Variants in SVEP1 observed in about 807,000 individuals in gnomAD.
SVEP1 encodes sushi, von Willebrand factor type A, EGF and pentraxin domain-containing protein 1.
In SVEP1, 164 loss-of-function variants were observed where a neutral mutation model predicts 367.3. That is an observed-to-expected ratio of 0.45 (90% CI 0.39 to 0.51). SVEP1 has a LOEUF of 0.51. Ranked by LOEUF, SVEP1 falls within the 20% of genes least tolerant of loss-of-function variation. SVEP1 has a pLI of 0.00. For synonymous variants in SVEP1, 1,666 were observed against 1,611.6 expected (o/e 1.03, Z -0.81); for missense variants, 4,117 against 4,425.3 (o/e 0.93, Z 1.98).
Position 110,424,786 on chromosome 9 carries a change from C to T in SVEP1, c.5975+2805G>A, listed in dbSNP as rs544455182. Among the ~76,000 whole-genome samples the T allele has an allele frequency of 4.4e-4, 67 of 152,218 alleles. No individual in the cohort carries two copies. In the Middle Eastern group the frequency reaches 0.01, roughly 23 times the overall value. ...GCCTCTGAGGTTCAAGCAAGTCTCC[C>T]GCCTCAGCCTCCCGAGTAGCTGGGA... On this transcript the variant is annotated intron_variant, in intron 36 of 47. Coordinates refer to ENST00000374469, the MANE Select transcript of SVEP1 (RefSeq NM_153366.4).
chr9:110,571,349 C>G (rs542950692), intron 1 of SVEP1, among the ~76,000 whole-genome samples: 5 of 152,158 alleles, frequency 3.3e-5, no homozygotes, highest in Non-Finnish European at 5.9e-5. Context: ...CAAGTGTTCC[C>G]CAATGAGATC....
chr9:110,560,560 T>C (rs540823174), intron 1 of SVEP1, among the ~76,000 whole-genome samples: 1 of 152,274 alleles, frequency 6.6e-6, no homozygotes, highest in African/African-American at 2.4e-5. Flanking sequence ...TAAATCAATG[T>C]CAAACTCTTC....
chr9:110,514,768 A>G (rs1040536781), intron 3 of SVEP1, among the ~76,000 whole-genome samples: 3 of 152,278 alleles, frequency 2.0e-5, no homozygotes, highest in African/African-American at 7.2e-5. Context: ...AATAGATAAA[A>G]AAAACTTTGA....
intron 45 of SVEP1, among the ~76,000 whole-genome samples, chr9:110,375,746 C>T (rs1564122295): frequency 2.0e-5 from 3 of 149,160 alleles, no homozygotes; most frequent in Non-Finnish European, 2.9e-5. Context: ...CTGCAAAGTG[C>T]TTTGCTTTAA....
chr9:110,502,902 A>G lies in SVEP1; in HGVS notation c.1483+136T>C, dbSNP rs1829558057. 22 of 817,502 alleles carry G rather than the reference A, an allele frequency of 2.7e-5. No homozygotes were observed. The South Asian group carries it at 5.1e-4, about 19-fold the overall frequency. 50.6% of individuals were successfully genotyped at this position (817,502 alleles called of 1,614,324 possible). On this transcript the variant is annotated intron_variant, in intron 6 of 47. Coordinates refer to ENST00000374469, the MANE Select transcript of SVEP1 (RefSeq NM_153366.4). ...ACACATCTGTTTTTGTATCTGTAAC[A>G]CCTGCACCTGTACATGTGGATATGT...
chr9:110,373,995 A>G (rs1214360321), intron 46 of SVEP1, among the ~76,000 whole-genome samples: 1 of 151,924 alleles, frequency 6.6e-6, no homozygotes, highest in African/African-American at 2.4e-5. Flanking sequence ...TTTCCTTTAA[A>G]CTTTTTTTTA....
chr9:110,541,800 T>G (rs903539685), intron 3 of SVEP1, among the ~76,000 whole-genome samples: 20 of 144,164 alleles, frequency 1.4e-4, no homozygotes, highest in Middle Eastern at 3.6e-3. Flanking sequence ...GATATCTATA[T>G]ATATCTATAT....
Position 110,511,488 on chromosome 9 carries a change from C to CTTTTTTT in SVEP1, c.1303+1431_1303+1437dup, listed in dbSNP as rs199993986. Among the ~76,000 whole-genome samples the CTTTTTTT allele has an allele frequency of 4.0e-4, 31 of 77,548 alleles. 1 individual carries two copies. The highest frequency in any genetic ancestry group is 4.7e-4 in the Non-Finnish European group (17 of 36,248). The allele number at this position is 77,548 out of a possible 152,430, so 50.9% of individuals were successfully genotyped here. A position where few individuals can be genotyped will look rare whatever the true frequency, so the allele number is the denominator to read the frequency against. ...CTAGGTCCATTCATTGTGTCAGTAC[C>CTTTTTTT]TTTTTTTTTTTTTTTTTTTTTTTTT... On this transcript the variant is annotated intron_variant, in intron 5 of 47. Coordinates refer to ENST00000374469, the MANE Select transcript of SVEP1 (RefSeq NM_153366.4).
At chr9:110,518,421 CAA>C (rs759436270) in intron 3 of SVEP1, among the ~76,000 whole-genome samples, 5 of 129,772 alleles carry the variant, frequency 3.9e-5, no homozygotes, top group Non-Finnish European at 1.7e-5. Flanking sequence ...GACTCCATCT[CAA>C]AAAAAAAAAA....
intron 3 of SVEP1, among the ~76,000 whole-genome samples, chr9:110,534,969 G>A (rs573386450): frequency 2.6e-5 from 4 of 152,176 alleles, no homozygotes; most frequent in African/African-American, 9.6e-5. Context: ...TCTGTAGGCT[G>A]TCTGTTTAGT....
In SVEP1 at chr9:110,527,779, C is replaced by T. The variant is rs866047898; in HGVS notation, c.965-13673G>A. ...TGATAAAGTCTAGGGTTTTAATGTA[C>T]GCATCACTCAAATGGTATATATCAT... is the stretch of plus-strand genomic sequence containing the variant. On this transcript the variant is annotated intron_variant, in intron 3 of 47. Transcript: ENST00000374469. Among the ~76,000 whole-genome samples the T allele has an allele frequency of 1.1e-4, 16 of 151,586 alleles. No homozygotes were observed. In the South Asian group the frequency reaches 1.5e-3, roughly 14 times the overall value.
intron 1 of SVEP1, among the ~76,000 whole-genome samples, chr9:110,572,228 C>G (rs1830572131): frequency 6.6e-6 from 1 of 152,126 alleles, no homozygotes; most frequent in Non-Finnish European, 1.5e-5. Context: ...TAAGAGAAAC[C>G]CTCTCTATGC....
chr9:110,425,426 CT>C (rs1391831300), intron 36 of SVEP1, among the ~76,000 whole-genome samples: 2 of 152,174 alleles, frequency 1.3e-5, no homozygotes, highest in African/African-American at 4.8e-5. Context: ...CTGATTCAAT[CT>C]TTTCAATGAC....
rs756953126 is a variant in SVEP1, at chr9:110,445,534, T to A, written c.4463+303A>T. Among the ~76,000 whole-genome samples, 25 of 152,300 alleles carry A rather than the reference T, an allele frequency of 1.6e-4. 1 individual carries two copies. Among genetic ancestry groups the A allele is most frequent in the Non-Finnish European group, 3.2e-4 (22 of 68,020 alleles). ...GATCTGGGGCAAGTCATTTAGACTT[T>A]CTGAAACTTTATTCTACTGTCTATA... On this transcript the variant is annotated intron_variant, in intron 26 of 47. Coordinates refer to ENST00000374469, the MANE Select transcript of SVEP1 (RefSeq NM_153366.4).
At chr9:110,488,514 A>G (rs930305011) in intron 9 of SVEP1, among the ~76,000 whole-genome samples, 1 of 152,132 alleles carries the variant, frequency 6.6e-6, no homozygotes, top group Non-Finnish European at 1.5e-5. Flanking sequence ...GGAAAGACTA[A>G]CATCAAGGAA....
At chr9:110,398,791 T>G (rs1282338722) in intron 40 of SVEP1, among the ~76,000 whole-genome samples, 1 of 152,140 alleles carries the variant, frequency 6.6e-6, no homozygotes, top group African/African-American at 2.4e-5. Flanking sequence ...AAAACCACAA[T>G]GAGATGCCAT....
chr9:110,501,485 G>C (rs1829527976), intron 6 of SVEP1, among the ~76,000 whole-genome samples: 1 of 149,998 alleles, frequency 6.7e-6, no homozygotes, highest in Non-Finnish European at 1.5e-5. Flanking sequence ...TCGTTGATTA[G>C]TAGATTCATT....
intron 43 of SVEP1, among the ~76,000 whole-genome samples, chr9:110,380,411 ATTTTTCTAAAAT>A (rs1827417386): frequency 6.6e-6 from 1 of 152,100 alleles, no homozygotes; most frequent in African/African-American, 2.4e-5. Context: ...AATTTGTATG[ATTTTTCTAAAAT>A]TTTTTCCCCT....
Position 110,408,535 on chromosome 9 carries a change from C to G in SVEP1, c.7065G>C (p.Leu2355=). ...VTFSCKEGHV[L]QGPSVLKCLP... ...AGCATTTCAGGACAGAGGGGCCTTG[C>G]AGGACATGCCCTTCTTTACAGGAAA... The change falls in exon 38 of 48, where the codon CTG becomes CTC. Residue 2355 remains leucine (L), a synonymous_variant. Transcript: ENST00000374469. 1 of 1,613,926 alleles carries G rather than the reference C, an allele frequency of 6.2e-7. No individual in the cohort carries two copies. Among genetic ancestry groups the G allele is most frequent in the Non-Finnish European group, 8.5e-7 (1 of 1,179,870 alleles).
Sources: gnomAD v4.1 joint callset for allele counts (sites outside exome capture counted in the v4.1 genomes callset) on GRCh38, gnomAD v4.1.1 for gene constraint, MANE v1.5 for transcripts, NCBI Gene and HGNC (gene_info 2026-07-23, HGNC 2026-07-21) for gene names.